Variants in ZZZ3 observed in about 807,000 individuals in gnomAD.
The protein encoded by ZZZ3 is zinc finger ZZ-type containing 3.
ZZZ3 carries 22 observed loss-of-function variants against 95.2 expected under a neutral mutation model. That is an observed-to-expected ratio of 0.23 (90% CI 0.17 to 0.33). The LOEUF is 0.33. Among genes scored for constraint, ZZZ3 ranks in the 10% least tolerant of loss-of-function variants. The pLI, the probability that ZZZ3 is intolerant of heterozygous loss-of-function variation, is 1.00. For synonymous variants in ZZZ3, 335 were observed against 358.9 expected, an observed-to-expected ratio of 0.93 and a Z score of 0.75; for missense variants, 885 against 1,066.5, an observed-to-expected ratio of 0.83 and a Z score of 2.37.
intron 4 of ZZZ3, among the ~76,000 whole-genome samples, chr1:77,638,865 C>G (rs371197388): frequency 6.6e-5 from 10 of 152,216 alleles, no homozygotes; most frequent in African/African-American, 2.4e-4. Flanking sequence ...AAGACAATAC[C>G]TCAGCAGTGC....
At position 77,584,651 on chromosome 1, in the gene ZZZ3, G is replaced by C. The variant is rs774736221; in HGVS notation, c.1510C>G (p.Gln504Glu). 1.3e-6 allele frequency: 2 copies of C among 1,572,110 alleles called. No homozygotes were observed. Among genetic ancestry groups the C allele is most frequent in the Admixed American group, 2.1e-5 (1 of 48,086 alleles). Residue 504 changes from glutamine (Q) to glutamate (E), a missense_variant, in exon 6 of 15, where the codon CAG becomes GAG. Gln to Glu is a conservative substitution (Grantham distance 29). Around this residue, in one of 5 missense-constraint regions of ZZZ3, gnomAD observed 556 missense variants for 652.9 expected, o/e 0.85. Transcript: ENST00000370801. ...HVALKHNKDY[Q>E]RLLQTIAVLE... ...ACAGCAATCGTCTGTAATAGTCTCT[G>C]ATAACTACAGAGACAAAGAAAAATA...
Position 77,568,475 on chromosome 1 carries a change from A to G in ZZZ3, c.2332-9T>C. 1.4e-6 allele frequency: 1 copy of G among 726,856 alleles called. No homozygotes were observed. The highest frequency in any genetic ancestry group is 3.8e-5 in the Admixed American group (1 of 26,488). The allele number at this position is 726,856 out of a possible 1,614,324, so 45.0% of individuals were successfully genotyped here. A position where few individuals can be genotyped will look rare whatever the true frequency, so the allele number is the denominator to read the frequency against. ...GGAATACTTTCGTCATCCTATCAAA[A>G]AAAAAAAAAAAAAAAAATGTTGGTT... On this transcript the variant is annotated splice_polypyrimidine_tract_variant and intron_variant, in intron 12 of 14. Transcript: ENST00000370801.
chr1:77,569,063 G>A (rs1661113337), intron 12 of ZZZ3, among the ~76,000 whole-genome samples: 1 of 152,216 alleles, frequency 6.6e-6, no homozygotes, highest in Non-Finnish European at 1.5e-5. Context: ...TAGGCTAGGT[G>A]CAGTGGCTTA....
intron 1 of ZZZ3, among the ~76,000 whole-genome samples, chr1:77,661,754 A>T (rs968857386): frequency 6.6e-6 from 1 of 152,240 alleles, no homozygotes. Flanking sequence ...AAGTTAGAGG[A>T]GTCTCTTAAA....
At position 77,577,102 on chromosome 1, in the gene ZZZ3, T is replaced by C. The variant is rs74090661; in HGVS notation, c.2179-882A>G. On this transcript the variant is annotated intron_variant, in intron 11 of 14. Coordinates refer to ENST00000370801, the MANE Select transcript of ZZZ3 (RefSeq NM_015534.6). ...CCACTATGCAGCCTGCCTGTCTTGA[T>C]CAATAGCACAGTCACAAAGAACACC... Among the ~76,000 whole-genome samples the C allele has an allele frequency of 5.1e-3, 782 of 152,288 alleles. 6 individuals carry two copies. The highest frequency in any genetic ancestry group is 0.018 in the African/African-American group (750 of 41,542).
Position 77,581,959 on chromosome 1 carries a change from C to T in ZZZ3, c.1792+20G>A. On this transcript the variant is annotated intron_variant, in intron 7 of 14. Coordinates refer to ENST00000370801, the MANE Select transcript of ZZZ3 (RefSeq NM_015534.6). ...TGCCAGATATTTTTCTACTTAAATT[C>T]TTATCATATGATTTCTTACCTTTAT... is the stretch of plus-strand genomic sequence containing the variant. 1 of 1,600,586 alleles carries T rather than the reference C, an allele frequency of 6.2e-7. No homozygotes were observed. Among genetic ancestry groups the T allele is most frequent in the Non-Finnish European group, 8.5e-7 (1 of 1,169,720 alleles).
chr1:77,680,676 T>C (rs1189453903), intron 1 of ZZZ3, among the ~76,000 whole-genome samples: 1 of 152,182 alleles, frequency 6.6e-6, no homozygotes, highest in Non-Finnish European at 1.5e-5. Context: ...ACTACTAATG[T>C]CTACCACTCT....
At chr1:77,592,845 C>G (rs1043504105) in intron 5 of ZZZ3, among the ~76,000 whole-genome samples, 2 of 152,106 alleles carry the variant, frequency 1.3e-5, no homozygotes, top group African/African-American at 4.8e-5. Context: ...CTGAAGACAA[C>G]CAATATACAG....
intron 1 of ZZZ3, among the ~76,000 whole-genome samples, chr1:77,679,137 A>C (rs546766146): frequency 7.9e-5 from 12 of 152,300 alleles, no homozygotes; most frequent in African/African-American, 2.6e-4. Context: ...ATTTACTGAG[A>C]GTGGTTTTCA....
chr1:77,634,252 A>C (rs181555862), intron 4 of ZZZ3, among the ~76,000 whole-genome samples: 1 of 152,080 alleles, frequency 6.6e-6, no homozygotes, highest in Non-Finnish European at 1.5e-5. Context: ...AAACTATTCC[A>C]ATCATTTCTC....
intron 5 of ZZZ3, among the ~76,000 whole-genome samples, chr1:77,621,931 G>C (rs1406412366): frequency 6.6e-6 from 1 of 152,066 alleles, no homozygotes; most frequent in Non-Finnish European, 1.5e-5. Flanking sequence ...TGTTAAGACG[G>C]TAACATGATC....
chr1:77,595,866 AAAG>A (rs1350242791), intron 5 of ZZZ3, among the ~76,000 whole-genome samples: 4 of 152,088 alleles, frequency 2.6e-5, no homozygotes, highest in African/African-American at 7.2e-5. Context: ...CAGAAAACTT[AAAG>A]AAGAGGGTAT....
At chr1:77,647,571 C>A (rs1349095372) in intron 1 of ZZZ3, among the ~76,000 whole-genome samples, 1 of 150,928 alleles carries the variant, frequency 6.6e-6, no homozygotes, top group Non-Finnish European at 1.5e-5. Context: ...CATGAGTGCA[C>A]AAAAACAGTA....
chr1:77,652,220 A>C (rs1669875384), intron 1 of ZZZ3, among the ~76,000 whole-genome samples: 1 of 152,200 alleles, frequency 6.6e-6, no homozygotes. Context: ...ATTTGTAATT[A>C]TCTCTCTATC....
intron 5 of ZZZ3, among the ~76,000 whole-genome samples, chr1:77,593,136 A>G (rs1663883870): frequency 6.6e-6 from 1 of 152,162 alleles, no homozygotes; most frequent in Admixed American, 6.5e-5. Flanking sequence ...CTGAAAGGCT[A>G]TACCTTAGAA....
chr1:77,580,951 T>C, intron 9 of ZZZ3, 47 bp downstream of exon 9: 1 of 1,505,610 alleles, frequency 6.6e-7, no homozygotes, highest in Non-Finnish European at 9.2e-7. Context: ...TGATGTTAAC[T>C]GTTTACTTGT....
chr1:77,679,311 T>C (rs1672539225), intron 1 of ZZZ3, among the ~76,000 whole-genome samples: 1 of 152,164 alleles, frequency 6.6e-6, no homozygotes, highest in South Asian at 2.1e-4. Context: ...GTGTTTTTAT[T>C]TTATTTTTGA....
intron 5 of ZZZ3, among the ~76,000 whole-genome samples, chr1:77,595,662 G>T (rs1451379772): frequency 6.6e-6 from 1 of 151,976 alleles, no homozygotes; most frequent in Non-Finnish European, 1.5e-5. Flanking sequence ...CGGAGTAAAT[G>T]TAAGTTTTAA....
Position 77,643,086 on chromosome 1 carries a change from C to T in ZZZ3, c.-402-1431G>A, listed in dbSNP as rs986870592. Reference sequence around the variant, plus strand: ...AAAGGTAGCCACATGTGGTGGTGTGCGCCTGTAATCCCAGCTGCTAGGGAG... The same window carrying T: ...AAAGGTAGCCACATGTGGTGGTGTGTGCCTGTAATCCCAGCTGCTAGGGAG... On this transcript the variant is annotated intron_variant, in intron 1 of 14. Transcript: ENST00000370801. Among the ~76,000 whole-genome samples the T allele has an allele frequency of 4.0e-5, 6 of 151,800 alleles. No individual in the cohort carries two copies. In the South Asian group the frequency reaches 6.3e-4, roughly 16 times the overall value.
Sources: allele counts gnomAD v4.1 joint callset (sites outside exome capture counted in the v4.1 genomes callset), GRCh38; gene constraint gnomAD v4.1.1; regional missense constraint gnomAD v4.1.1; transcripts MANE v1.5; gene names NCBI Gene and HGNC (gene_info 2026-07-23, HGNC 2026-07-21).